PATJ: variants seen among roughly 807,000 people sequenced by gnomAD.
The protein encoded by PATJ is PATJ crumbs cell polarity complex component, also known as inaD-like protein.
In PATJ, 190 loss-of-function variants were observed where a neutral mutation model predicts 224.9. That is an observed-to-expected ratio of 0.84 (90% CI 0.75 to 0.95). PATJ has a LOEUF of 0.95. Ranked by LOEUF, PATJ falls within the 40% of genes least tolerant of loss-of-function variation. The pLI is 0.00. For missense variants in PATJ, 2,121 were observed against 2,270.3 expected (o/e 0.93, Z 1.34); for synonymous variants, 769 against 820.3 (o/e 0.94, Z 1.07).
chr1:61,797,115 C>G (rs2148555553), intron 10 of PATJ, among the ~76,000 whole-genome samples, 172 bp from the exon 11 acceptor site: 1 of 152,230 alleles, frequency 6.6e-6, no homozygotes, highest in East Asian at 1.9e-4. Flanking sequence ...GATCCATGAT[C>G]CACCCACCTT....
chr1:61,888,757 G>A (rs1669212282), intron 22 of PATJ, among the ~76,000 whole-genome samples: 1 of 152,152 alleles, frequency 6.6e-6, no homozygotes, highest in Non-Finnish European at 1.5e-5. Context: ...AGCATCAGTT[G>A]TTCTTACTCA....
At chr1:62,090,075 T>A (rs910648721) in intron 33 of PATJ, among the ~76,000 whole-genome samples, 1 of 152,210 alleles carries the variant, frequency 6.6e-6, no homozygotes, top group African/African-American at 2.4e-5. Flanking sequence ...ATAAATAGTT[T>A]CTCTGGAGCC....
At chr1:61,897,702 A>G (rs187358849) in intron 22 of PATJ, among the ~76,000 whole-genome samples, 1 of 152,348 alleles carries the variant, frequency 6.6e-6, no homozygotes, top group Non-Finnish European at 1.5e-5. Context: ...GCACTGTGGC[A>G]CACAGTTCCC....
At chr1:61,767,396 G>A (rs1276733980) in intron 4 of PATJ, among the ~76,000 whole-genome samples, 4 of 151,820 alleles carry the variant, frequency 2.6e-5, no homozygotes, top group Non-Finnish European at 4.4e-5. Flanking sequence ...AAATATAGTC[G>A]GGCATGGTGG....
At chr1:61,881,763 G>C (rs549536170) in intron 21 of PATJ, among the ~76,000 whole-genome samples, 1 of 152,016 alleles carries the variant, frequency 6.6e-6, no homozygotes, top group South Asian at 2.1e-4. Flanking sequence ...ATTATTTTAG[G>C]CCTCCCATTT....
intron 38 of PATJ, 47 bp downstream of exon 38, chr1:62,121,342 TAA>T: frequency 3.9e-5 from 33 of 845,422 alleles, no homozygotes; most frequent in South Asian, 5.4e-5. Context: ...TTACCCAAAT[TAA>T]AAAAAAAAAA....
chr1:61,911,414 A>C (rs1351608825), intron 25 of PATJ, among the ~76,000 whole-genome samples: 1 of 152,160 alleles, frequency 6.6e-6, no homozygotes, highest in African/African-American at 2.4e-5. Context: ...AGGTTTCACC[A>C]TGTTGGTCAG....
intron 30 of PATJ, among the ~76,000 whole-genome samples, chr1:62,040,910 A>G (rs1288137041): frequency 6.6e-6 from 1 of 152,224 alleles, no homozygotes; most frequent in African/African-American, 2.4e-5. Flanking sequence ...AGATAGATTA[A>G]CAAGAGCAAA....
chr1:61,783,656 A>C (rs548510172), intron 7 of PATJ, among the ~76,000 whole-genome samples: 2 of 147,102 alleles, frequency 1.4e-5, no homozygotes, highest in East Asian at 2.0e-4. Context: ...TAGGTTTAAA[A>C]TTTTTTTTTT....
At position 61,990,158 on chromosome 1, in the gene PATJ, C is replaced by CT. The variant is rs756676360; in HGVS notation, c.3671-6dup. On this transcript the variant is annotated splice_polypyrimidine_tract_variant and intron_variant, in intron 27 of 43. Coordinates refer to ENST00000642238, the MANE Select transcript of PATJ (RefSeq NM_001350145.3). ...TACTCTATTTAATTTTAAAAAAATT[C>CT]TTTTAATAGAAAAAATCAGACAAAG... is the stretch of plus-strand genomic sequence containing the variant. 5.5e-5 allele frequency: 87 copies of CT among 1,572,524 alleles called. 1 individual carries two copies. The Middle Eastern group carries it at 1.0e-3, about 18-fold the overall frequency.
chr1:61,884,464 T>G (rs1486263453), intron 22 of PATJ, 56 bp downstream of exon 22: 1 of 1,231,992 alleles, frequency 8.1e-7, no homozygotes, highest in African/African-American at 1.5e-5. Flanking sequence ...TTTTTTTTTT[T>G]TTTTTTTTTG....
At chr1:62,142,495 T>C (rs1667606048) in intron 41 of PATJ, among the ~76,000 whole-genome samples, 1 of 152,186 alleles carries the variant, frequency 6.6e-6, no homozygotes, top group Non-Finnish European at 1.5e-5. Flanking sequence ...TATGACAGTT[T>C]TAGATTCGCT....
intron 21 of PATJ, among the ~76,000 whole-genome samples, chr1:61,883,863 GTTTTT>G (rs67157531): frequency 1.4e-5 from 2 of 145,560 alleles, no homozygotes. Flanking sequence ...TTCTGTGGAG[GTTTTT>G]TTTTTTTTTA....
At position 61,875,224 on chromosome 1, in the gene PATJ, T is replaced by A. The variant is rs756313572; in HGVS notation, c.2836-19T>A. On this transcript the variant is annotated intron_variant, in intron 20 of 43. Coordinates refer to ENST00000642238, the MANE Select transcript of PATJ (RefSeq NM_001350145.3). ...TTTTCATAAAGTACTAATGCATTTC[T>A]ATTTTTCTTCCTCTCAAGATGAAAG... The A allele has an allele frequency of 6.5e-7, 1 of 1,527,368 alleles. No homozygotes were observed. Among genetic ancestry groups the A allele is most frequent in the South Asian group, 1.2e-5 (1 of 85,864 alleles). 94.6% of individuals were successfully genotyped at this position (1,527,368 alleles called of 1,614,324 possible). A position where few individuals can be genotyped will look rare whatever the true frequency, so the allele number is the denominator to read the frequency against.
intron 7 of PATJ, 63 bp from the exon 8 acceptor site, chr1:61,787,690 AT>A: frequency 8.0e-7 from 1 of 1,255,374 alleles, no homozygotes; most frequent in Non-Finnish European, 1.2e-6. Context: ...AGTCTGATGA[AT>A]TGTTATTAAC....
intron 23 of PATJ, among the ~76,000 whole-genome samples, chr1:61,899,976 C>A (rs1011277266): frequency 6.6e-6 from 1 of 152,166 alleles, no homozygotes; most frequent in African/African-American, 2.4e-5. Flanking sequence ...GCTTTCTTTT[C>A]TGGTAAACAA....
intron 25 of PATJ, among the ~76,000 whole-genome samples, chr1:61,909,007 T>C (rs542789713): frequency 3.4e-4 from 52 of 152,216 alleles, no homozygotes; most frequent in Non-Finnish European, 6.5e-4. Flanking sequence ...TGAGATGGAG[T>C]CTTGCTCTGT....
intron 14 of PATJ, among the ~76,000 whole-genome samples, chr1:61,810,725 A>C (rs1654565316): frequency 6.6e-6 from 1 of 151,116 alleles, no homozygotes. Context: ...TAAATAAATA[A>C]ATAAATAAAT....
At chr1:61,922,565 G>A (rs945176604) in intron 26 of PATJ, among the ~76,000 whole-genome samples, 5 of 152,188 alleles carry the variant, frequency 3.3e-5, no homozygotes, top group Non-Finnish European at 5.9e-5. Context: ...GGTTTCCAAG[G>A]ATTGGCAGAT....
Sources: allele counts gnomAD v4.1 joint callset (sites outside exome capture counted in the v4.1 genomes callset), GRCh38; gene constraint gnomAD v4.1.1; transcripts MANE v1.5; gene names NCBI Gene and HGNC (gene_info 2026-07-23, HGNC 2026-07-21).